Variants in FAAP100 observed in about 807,000 individuals in gnomAD.
FAAP100 encodes the protein FA core complex associated protein 100.
In FAAP100, 46 loss-of-function variants were observed where a neutral mutation model predicts 65.8. The observed-to-expected ratio is 0.70, with a 90% CI of 0.55 to 0.89. The LOEUF (loss-of-function observed/expected upper bound fraction) is 0.89, where lower values mean the gene tolerates loss of function less well. Among genes scored for constraint, FAAP100 ranks in the 40% least tolerant of loss-of-function variants. The pLI, the probability that FAAP100 is intolerant of heterozygous loss-of-function variation, is 0.00. For synonymous variants in FAAP100, 663 were observed against 555.1 expected (o/e 1.19, Z -2.73); for missense variants, 1,165 against 1,196.7 (o/e 0.97, Z 0.39).
upstream of FAAP100, chr17:81,552,480 G>T: frequency 1.5e-6 from 1 of 687,376 alleles, no homozygotes; most frequent in Non-Finnish European, 2.0e-6. Flanking sequence ...CGCGCTGCAG[G>T]GACTCCGGGA....
intron 5 of FAAP100, 106 bp downstream of exon 5, chr17:81,546,803 A>G (rs2143947433): frequency 2.5e-5 from 29 of 1,181,934 alleles, no homozygotes; most frequent in East Asian, 5.7e-5. Flanking sequence ...GCAGTGAGCC[A>G]TGATTGCACC....
Position 81,546,982 on chromosome 17 carries a change from G to A in FAAP100, c.2100C>T (p.Tyr700=), listed in dbSNP as rs765849335. 6 of 1,497,124 alleles carry A rather than the reference G, an allele frequency of 4.0e-6. No homozygotes were observed. The allele number at this position is 1,497,124 out of a possible 1,614,324, so 92.7% of individuals were successfully genotyped here. ...PAGPASLRAE[Y]LPPSVASIKV... is the part of the protein sequence containing the mutation. ...TGATGGAAGCCACAGATGGGGGCAG[G>A]TACTCGGCCCGCAGGGAGGCGGGTC... Residue 700 remains tyrosine (Y), a synonymous_variant, in exon 5 of 9, where the codon TAC becomes TAT. Coordinates refer to ENST00000327787, the MANE Select transcript of FAAP100 (RefSeq NM_025161.6).
At chr17:81,545,621 C>T (rs79372565) in intron 6 of FAAP100, 125 bp downstream of exon 6, 95,350 of 1,319,120 alleles carry the variant, frequency 0.072, 3,971 homozygotes, top group Middle Eastern at 0.12. Context: ...CAGAGTCCTC[C>T]GGGAAGCTTG....
At chr17:81,542,952 C>T (rs1310818290) in intron 7 of FAAP100, among the ~76,000 whole-genome samples, 3 of 152,132 alleles carry the variant, frequency 2.0e-5, no homozygotes, top group Admixed American at 6.5e-5. Flanking sequence ...CCCCAGCACT[C>T]AGGACTAGAC....
Position 81,547,023 on chromosome 17 carries a change from C to T in FAAP100, c.2059G>A (p.Gly687Ser). The T allele has an allele frequency of 6.5e-7, 1 of 1,546,296 alleles. No individual in the cohort carries two copies. The change falls in exon 5 of 9, where the codon GGC becomes AGC. Residue 687 changes from glycine to serine, a missense_variant. Transcript: ENST00000327787. Reference protein sequence around the residue: ...ATFLETCREPGSQPAGPASLR... With the variant: ...ATFLETCREPSSQPAGPASLR... ...GAGGCGGGTCCTGCTGGCTGGCTGC[C>T]AGGCTCCCGACAAGTTTCCAGAAAA...
chr17:81,551,943 T>C lies in FAAP100; in HGVS notation c.275A>G (p.His92Arg), dbSNP rs1179530610. 1 of 1,558,626 alleles carries C rather than the reference T, an allele frequency of 6.4e-7. No homozygotes were observed. The highest frequency in any genetic ancestry group is 1.4e-5 in the African/African-American group (1 of 71,718). Residue 92 changes from histidine (H) to arginine (R), a missense_variant, in exon 2 of 9, where the codon CAC (histidine) becomes CGC (arginine). Transcript: ENST00000327787. ...CCGCCCTCACCTGCTCCTGCCCGGG[T>C]GGTCCAGCGACAGGCAGTAGAGGCC... ...RRGLYCLSLD[H>R]PGRSRSTSQD...
At chr17:81,543,042 T>G (rs1408072425) in intron 7 of FAAP100, among the ~76,000 whole-genome samples, 2 of 151,982 alleles carry the variant, frequency 1.3e-5, no homozygotes, top group African/African-American at 4.8e-5. Flanking sequence ...ATCAGGGTCA[T>G]GGCAGTGTCA....
chr17:81,552,263 G>A lies in FAAP100; in HGVS notation c.68C>T (p.Ala23Val). 1.4e-6 allele frequency: 2 copies of A among 1,479,056 alleles called. No individual in the cohort carries two copies. The allele number at this position is 1,479,056 out of a possible 1,614,324, so 91.6% of individuals were successfully genotyped here. Reference protein sequence around the residue: ...GFCCPLGGLAAGKPRVLCHEA... With the variant: ...GFCCPLGGLAVGKPRVLCHEA... ...ATGGCACAGCACGCGGGGCTTGCCCGCCGCCAGGCCCCCGAGAGGGCAGCA... is the reference window on the plus strand; with the variant it reads ...ATGGCACAGCACGCGGGGCTTGCCCACCGCCAGGCCCCCGAGAGGGCAGCA... The change falls in exon 1 of 9, where the codon GCG (alanine) becomes GTG (valine). Residue 23 changes from alanine (A) to valine (V), a missense_variant. Physicochemically the swap from Ala to Val is moderately conservative, Grantham distance 64. Coordinates refer to ENST00000327787, the MANE Select transcript of FAAP100 (RefSeq NM_025161.6).
At chr17:81,545,299 G>A (rs552235866) in intron 6 of FAAP100, among the ~76,000 whole-genome samples, 1 of 152,382 alleles carries the variant, frequency 6.6e-6, no homozygotes, top group African/African-American at 2.4e-5. Flanking sequence ...GTGTGCTGGA[G>A]GCACCACAGT....
chr17:81,550,742 C>T lies in FAAP100; in HGVS notation c.752G>A (p.Cys251Tyr), dbSNP rs900213422. ...GACCAGGGCCTTCAGGATCACACAG[C>T]AGAGCTGGCCATCAGGGAGACCACA... Reference protein sequence around the residue: ...VLCGLPDGQLCCVILKALVTS... With the variant: ...VLCGLPDGQLYCVILKALVTS... Residue 251 changes from cysteine (C) to tyrosine (Y), a missense_variant, in exon 3 of 9, where the codon TGC (cysteine) becomes TAC (tyrosine). Physicochemically the swap from Cys to Tyr is radical, Grantham distance 194 (BLOSUM62 -2). Transcript: ENST00000327787. 1 of 1,612,438 alleles carries T rather than the reference C, an allele frequency of 6.2e-7. No homozygotes were observed. Among genetic ancestry groups the T allele is most frequent in the South Asian group, 1.1e-5 (1 of 91,048 alleles).
intron 7 of FAAP100, among the ~76,000 whole-genome samples, chr17:81,543,736 C>T (rs546564871): frequency 2.0e-5 from 3 of 152,272 alleles, no homozygotes; most frequent in South Asian, 2.1e-4. Flanking sequence ...CCTTGTAGCC[C>T]GGGCAGTCCT....
rs1382459510 is a variant in FAAP100 at position 81,547,078 on chromosome 17, TG to T, written c.2003del (p.Pro668HisfsTer52). On this transcript the variant is annotated frameshift_variant, in exon 5 of 9. Transcript: ENST00000327787. LOFTEE classifies it high-confidence loss of function. ...CCACAGGGTCTCGGGTGGGGCCGAGTGGGGAGGGGGCCCGTGTGTGTGGCGG... is the reference window on the plus strand; with the variant it reads ...CCACAGGGTCTCGGGTGGGGCCGAGTGGGAGGGGGCCCGTGTGTGTGGCGG... The part of the protein sequence containing the change: ...LAPPHTRAPS[P>X]LGPTRDPVAT... 3 of 1,535,348 alleles carry T rather than the reference TG, an allele frequency of 2.0e-6. No homozygotes were observed. The highest frequency in any genetic ancestry group is 1.2e-5 in the South Asian group (1 of 80,824).
intron 4 of FAAP100, among the ~76,000 whole-genome samples, chr17:81,548,821 C>T (rs1393386710): frequency 6.6e-6 from 1 of 151,836 alleles, no homozygotes; most frequent in African/African-American, 2.4e-5. Flanking sequence ...AGACGGATCA[C>T]GAGGTCAGGA....
chr17:81,542,227 ATATATATG>A (rs1568090935), intron 7 of FAAP100, among the ~76,000 whole-genome samples: 1 of 96,876 alleles, frequency 1.0e-5, no homozygotes, highest in African/African-American at 5.9e-5. Context: ...ATATATATAT[ATATATATG>A]AAATCAGCCA....
rs759631034 is a variant in FAAP100, at chr17:81,550,869, G to T, written c.625C>A (p.His209Asn). The T allele has an allele frequency of 1.3e-5, 21 of 1,612,374 alleles. No homozygotes were observed. The highest frequency in any genetic ancestry group is 1.7e-5 in the Non-Finnish European group (20 of 1,179,748). Residue 209 changes from histidine (H) to asparagine (N), a missense_variant, in exon 3 of 9, where the codon CAC becomes AAC. Physicochemically the swap from His to Asn is moderately conservative, Grantham distance 68. Transcript: ENST00000327787. ...CCCCCGGAGCCCCCGAGGAGGTCGT[G>T]CGGGACCCTGGAGCCTGATGGTGAC... ...SVSPSGSRVP[H>N]DLLGGSGGFT...
chr17:81,550,244 A>C lies in FAAP100; in HGVS notation c.1246+4T>G, dbSNP rs1329580944. ...CATCTTTCATTTTAGACAGCAGCTC[A>C]TACCTTCATGCGTCCTGGGAGACGC... is the stretch of plus-strand genomic sequence containing the variant. On this transcript the variant is annotated splice_donor_region_variant and intron_variant, in intron 3 of 8. Transcript: ENST00000327787. 2 of 1,590,612 alleles carry C rather than the reference A, an allele frequency of 1.3e-6. No homozygotes were observed. Among genetic ancestry groups the C allele is most frequent in the Non-Finnish European group, 1.7e-6 (2 of 1,166,350 alleles).
intron 7 of FAAP100, among the ~76,000 whole-genome samples, chr17:81,542,570 G>A (rs1031482709): frequency 1.3e-5 from 2 of 152,062 alleles, no homozygotes; most frequent in Non-Finnish European, 1.5e-5. Flanking sequence ...TTCCTGGGGC[G>A]GGCACCTAGC....
intron 7 of FAAP100, among the ~76,000 whole-genome samples, chr17:81,543,794 T>G (rs373707180): frequency 1.3e-5 from 2 of 152,136 alleles, no homozygotes; most frequent in Non-Finnish European, 2.9e-5. Flanking sequence ...GGGAGCAGCA[T>G]TGGCCTCCTG....
In FAAP100 at chr17:81,539,994, T is replaced by G. The variant is rs1038399107; in HGVS notation, c.*825A>C. ...TGCAGCGGGAGCGGCGCGAGCACCCTCCCCAGATGAAAACACCAGCACCAG... is the reference window on the plus strand; with the variant it reads ...TGCAGCGGGAGCGGCGCGAGCACCCGCCCCAGATGAAAACACCAGCACCAG... On this transcript the variant is annotated 3_prime_UTR_variant, in exon 9 of 9. Transcript: ENST00000327787. 1.8e-5 allele frequency: 7 copies of G among 398,364 alleles called. No individual in the cohort carries two copies. The highest frequency in any genetic ancestry group is 2.7e-5 in the Non-Finnish European group (6 of 225,990). The allele number at this position is 398,364 out of a possible 1,614,324, so 24.7% of individuals were successfully genotyped here. A position where few individuals can be genotyped will look rare whatever the true frequency, so the allele number is the denominator to read the frequency against.
Sources: gnomAD v4.1 joint callset for allele counts (sites outside exome capture counted in the v4.1 genomes callset) on GRCh38, gnomAD v4.1.1 for gene constraint, MANE v1.5 for transcripts, NCBI Gene and HGNC (gene_info 2026-07-23, HGNC 2026-07-21) for gene names.